CDYL: variants seen among roughly 807,000 people sequenced by gnomAD.
The protein encoded by CDYL is chromodomain Y like, also known as chromodomain Y-like protein.
A neutral mutation model predicts 47.3 loss-of-function variants in CDYL; 8 were observed. The ratio of observed to expected loss-of-function variants is 0.17; its 90% CI spans 0.10 to 0.31. CDYL has a LOEUF of 0.31. Ranked by LOEUF, CDYL falls within the 10% of genes least tolerant of loss-of-function variation. The pLI is 1.00. For synonymous variants in CDYL, 266 were observed against 265.0 expected, an observed-to-expected ratio of 1.00 and a Z score of -0.04; for missense variants, 471 against 701.4, an observed-to-expected ratio of 0.67 and a Z score of 3.71.
chr6:4,849,165 G>A (rs1033113285), intron 1 of CDYL, among the ~76,000 whole-genome samples: 5 of 151,998 alleles, frequency 3.3e-5, no homozygotes, highest in African/African-American at 1.2e-4. Flanking sequence ...TTAGTCCATC[G>A]TTTCTCCTTT....
chr6:4,795,494 G>A (rs1271065969), intron 1 of CDYL, among the ~76,000 whole-genome samples: 1 of 151,960 alleles, frequency 6.6e-6, no homozygotes, highest in African/African-American at 2.4e-5. Context: ...AATCATCTGA[G>A]CCTCTCTGCT....
chr6:4,805,671 C>G (rs1238321727), intron 1 of CDYL, among the ~76,000 whole-genome samples: 2 of 152,136 alleles, frequency 1.3e-5, no homozygotes, highest in African/African-American at 4.8e-5. Context: ...GCCCGGGAAC[C>G]AGGGGCAGTG....
chr6:4,822,270 A>T (rs1411136156), intron 1 of CDYL, among the ~76,000 whole-genome samples: 3 of 151,896 alleles, frequency 2.0e-5, no homozygotes, highest in Non-Finnish European at 2.9e-5. Context: ...AAGTGTTGGG[A>T]TTGTAGATGT....
chr6:4,775,829 G>A (rs1047912415), upstream of CDYL, among the ~76,000 whole-genome samples: 9 of 150,398 alleles, frequency 6.0e-5, no homozygotes, highest in Non-Finnish European at 8.9e-5. This position sits in a 1 kb window ranked among gnomAD's most constrained non-coding sequence, Gnocchi z 7.0. Context: ...TTCGCGGGCT[G>A]GCCCGGCCCC....
At chr6:4,770,244 T>C (rs563855945) in intron 3 of CDYL, among the ~76,000 whole-genome samples, 1 of 152,242 alleles carries the variant, frequency 6.6e-6, no homozygotes, top group Non-Finnish European at 1.5e-5. Context: ...GTGCCTGGCA[T>C]ACAATAAATG....
At chr6:4,927,192 T>C (rs1193549708) in intron 2 of CDYL, among the ~76,000 whole-genome samples, 2 of 152,304 alleles carry the variant, frequency 1.3e-5, no homozygotes, top group Admixed American at 1.3e-4. Flanking sequence ...TCATGTACTT[T>C]CTGTTTTAGG....
intron 3 of CDYL, among the ~76,000 whole-genome samples, chr6:4,768,050 T>G (rs967534231): frequency 6.6e-6 from 1 of 152,236 alleles, no homozygotes; most frequent in East Asian, 1.9e-4. Flanking sequence ...TCCCATCTTA[T>G]GTCTCCCTTC....
At chr6:4,823,969 A>C (rs1039174508) in intron 1 of CDYL, among the ~76,000 whole-genome samples, 5 of 152,216 alleles carry the variant, frequency 3.3e-5, no homozygotes, top group African/African-American at 1.2e-4. Context: ...ATTTGATATA[A>C]GGGAGATCTT....
At chr6:4,932,411 C>T (rs1037794992) in intron 2 of CDYL, among the ~76,000 whole-genome samples, 1 of 152,068 alleles carries the variant, frequency 6.6e-6, no homozygotes, top group South Asian at 2.1e-4. Context: ...GAGGGCCCCA[C>T]CCCCATGACC....
intron 4 of CDYL, among the ~76,000 whole-genome samples, chr6:4,943,021 A>G (rs1000188988): frequency 3.3e-5 from 5 of 152,192 alleles, no homozygotes; most frequent in African/African-American, 9.6e-5. Context: ...TTGCCAGATA[A>G]TCAGTGAGCT....
At chr6:4,883,434 A>G (rs1172740110) in intron 1 of CDYL, among the ~76,000 whole-genome samples, 2 of 152,142 alleles carry the variant, frequency 1.3e-5, no homozygotes, top group Non-Finnish European at 2.9e-5. Flanking sequence ...CATGCGGAGA[A>G]TTCTATCAGA....
intron 3 of CDYL, among the ~76,000 whole-genome samples, chr6:4,758,351 A>AAAAAAAATATATATAT (rs1554134098): frequency 3.1e-5 from 4 of 129,084 alleles, no homozygotes; most frequent in African/African-American, 1.2e-4. Context: ...AAAATAAATA[A>AAAAAAAATATATATAT]ATATATATAT....
intron 1 of CDYL, among the ~76,000 whole-genome samples, chr6:4,806,900 A>T (rs531984518): frequency 6.6e-6 from 1 of 152,216 alleles, no homozygotes; most frequent in Non-Finnish European, 1.5e-5. Flanking sequence ...GGCAACAGAC[A>T]TTTGTTTCCT....
chr6:4,868,489 T>C (rs1391386698), intron 1 of CDYL, among the ~76,000 whole-genome samples: 1 of 152,170 alleles, frequency 6.6e-6, no homozygotes, highest in Non-Finnish European at 1.5e-5. Context: ...TTTTGGTAGT[T>C]TGACTATTAT....
chr6:4,944,420 G>A (rs1271373276), intron 5 of CDYL, among the ~76,000 whole-genome samples: 1 of 152,200 alleles, frequency 6.6e-6, no homozygotes, highest in Admixed American at 6.5e-5. Flanking sequence ...CATCCTTAGG[G>A]GTGGGATGTG....
chr6:4,791,299 G>C (rs905683558), intron 1 of CDYL, among the ~76,000 whole-genome samples: 1 of 152,342 alleles, frequency 6.6e-6, no homozygotes, highest in Non-Finnish European at 1.5e-5. Context: ...CTGGGCCCTA[G>C]TGATGAAATT....
chr6:4,935,871 C>T (rs1758177132), intron 3 of CDYL, 100 bp downstream of exon 3: 9 of 1,543,196 alleles, frequency 5.8e-6, no homozygotes, highest in Non-Finnish European at 6.1e-6. Context: ...CTTTCTAAAC[C>T]TCCTTTTGGG....
intron 1 of CDYL, among the ~76,000 whole-genome samples, chr6:4,853,431 C>T (rs1285686321): frequency 6.6e-6 from 1 of 152,214 alleles, no homozygotes; most frequent in Non-Finnish European, 1.5e-5. Context: ...ACTGCGGAAC[C>T]TCCAAACCGT....
At chr6:4,877,096 T>A (rs899697436) in intron 1 of CDYL, among the ~76,000 whole-genome samples, 10 of 152,234 alleles carry the variant, frequency 6.6e-5, no homozygotes, top group African/African-American at 2.2e-4. Flanking sequence ...ATTCCCTGCC[T>A]CCAGAATTGT....
Sources: allele counts gnomAD v4.1 joint callset (sites outside exome capture counted in the v4.1 genomes callset), GRCh38; gene constraint gnomAD v4.1.1; non-coding constraint Gnocchi (gnomAD v3.1); transcripts MANE v1.5; gene names NCBI Gene and HGNC (gene_info 2026-07-23, HGNC 2026-07-21).